Variants in FAM184B observed in about 807,000 individuals in gnomAD.
FAM184B encodes protein FAM184B.
FAM184B carries 111 observed loss-of-function variants against 135.9 expected under a neutral mutation model. That is an observed-to-expected ratio of 0.82 (90% CI 0.70 to 0.96). The LOEUF is 0.96. Ranked by LOEUF, FAM184B falls within the 40% of genes least tolerant of loss-of-function variation. FAM184B has a pLI of 0.00. For synonymous variants in FAM184B, 552 were observed against 524.8 expected, an observed-to-expected ratio of 1.05 and a Z score of -0.71; for missense variants, 1,375 against 1,323.9, an observed-to-expected ratio of 1.04 and a Z score of -0.60.
chr4:17,666,334 C>T (rs1176581645), intron 7 of FAM184B, among the ~76,000 whole-genome samples: 1 of 146,482 alleles, frequency 6.8e-6, no homozygotes, highest in Non-Finnish European at 1.5e-5. Context: ...GATGGAGTCT[C>T]ACTCTGTCAC....
chr4:17,715,498 CA>C (rs1030460836), intron 1 of FAM184B, among the ~76,000 whole-genome samples: 25 of 151,052 alleles, frequency 1.7e-4, no homozygotes, highest in African/African-American at 3.6e-4. Context: ...CAAAAACAAA[CA>C]AAAAAAATGA....
intron 12 of FAM184B, among the ~76,000 whole-genome samples, chr4:17,646,022 C>G (rs2108933305): frequency 6.6e-6 from 1 of 152,196 alleles, no homozygotes; most frequent in East Asian, 1.9e-4. Flanking sequence ...ATCAAAACCA[C>G]AATGAGATAC....
At chr4:17,761,731 G>T (rs1184232230) in intron 1 of FAM184B, among the ~76,000 whole-genome samples, 1 of 152,172 alleles carries the variant, frequency 6.6e-6, no homozygotes, top group Non-Finnish European at 1.5e-5. Flanking sequence ...ATGTTGATCA[G>T]GCTGGTCTCG....
intron 12 of FAM184B, among the ~76,000 whole-genome samples, chr4:17,643,736 A>C (rs1029236770): frequency 6.6e-6 from 1 of 152,216 alleles, no homozygotes; most frequent in Non-Finnish European, 1.5e-5. Context: ...TCTGGCACAC[A>C]TGATTCCCAT....
intron 3 of FAM184B, among the ~76,000 whole-genome samples, chr4:17,706,949 C>T (rs1015551004): frequency 6.6e-6 from 1 of 151,988 alleles, no homozygotes; most frequent in African/African-American, 2.4e-5. Context: ...CTGTGCTTGG[C>T]TAATTTTCTT....
chr4:17,635,029 A>AT lies in FAM184B; in HGVS notation c.2868dup (p.Tyr957IlefsTer41). The AT allele has an allele frequency of 6.4e-7, 1 of 1,551,834 alleles. No individual in the cohort carries two copies. Among genetic ancestry groups the AT allele is most frequent in the Non-Finnish European group, 8.7e-7 (1 of 1,146,908 alleles). On this transcript the variant is annotated frameshift_variant, in exon 16 of 18. Coordinates refer to ENST00000265018, the MANE Select transcript of FAM184B (RefSeq NM_015688.2). LOFTEE classifies it high-confidence loss of function. ...TTTACCTTCATGGAAGGGGTCAAAT[A>AT]TCCCGGGTGAGGATTGAAAGAGAAA...
At chr4:17,713,654 G>A (rs1717338284) in intron 1 of FAM184B, among the ~76,000 whole-genome samples, 1 of 152,212 alleles carries the variant, frequency 6.6e-6, no homozygotes, top group South Asian at 2.1e-4. Flanking sequence ...GTTCAGAGAA[G>A]TTCAGTAGCT....
intron 1 of FAM184B, among the ~76,000 whole-genome samples, chr4:17,752,548 G>A (rs1379060715): frequency 3.9e-5 from 6 of 152,130 alleles, no homozygotes; most frequent in Admixed American, 2.0e-4. Flanking sequence ...AGGAACCTCC[G>A]GAGATCTCAG....
chr4:17,665,798 G>A (rs78715091), intron 7 of FAM184B, among the ~76,000 whole-genome samples: 5,816 of 152,196 alleles, frequency 0.038, 253 homozygotes, highest in East Asian at 0.092. Flanking sequence ...TCCAATGGTC[G>A]ATTCTTGGGT....
chr4:17,687,390 G>C (rs1008586406), intron 7 of FAM184B, among the ~76,000 whole-genome samples: 6 of 152,162 alleles, frequency 3.9e-5, no homozygotes, highest in Non-Finnish European at 8.8e-5. Context: ...ATTCAAGCCA[G>C]GGTACTCAAG....
intron 1 of FAM184B, among the ~76,000 whole-genome samples, chr4:17,729,663 G>A (rs1365046898): frequency 2.0e-5 from 3 of 152,258 alleles, no homozygotes; most frequent in African/African-American, 7.2e-5. Context: ...AGGGTCTGGA[G>A]TGGACCTCTA....
intron 6 of FAM184B, among the ~76,000 whole-genome samples, chr4:17,688,845 C>T (rs1374128939): frequency 1.3e-5 from 2 of 152,004 alleles, no homozygotes; most frequent in African/African-American, 4.8e-5. Context: ...GTATGCACCA[C>T]CACGCCCAGC....
chr4:17,722,634 T>A (rs1182378179), intron 1 of FAM184B, among the ~76,000 whole-genome samples: 1 of 152,034 alleles, frequency 6.6e-6, no homozygotes, highest in South Asian at 2.1e-4. Context: ...CCCAGGAAGG[T>A]TCTTAATGAG....
At chr4:17,645,494 T>C (rs1715441660) in intron 12 of FAM184B, among the ~76,000 whole-genome samples, 1 of 152,192 alleles carries the variant, frequency 6.6e-6, no homozygotes, top group African/African-American at 2.4e-5. Context: ...CCCTATTTAA[T>C]AAATGGTGCT....
Position 17,727,976 on chromosome 4 carries a change from T to TA in FAM184B, c.142-18333dup, listed in dbSNP as rs1002998028. On this transcript the variant is annotated intron_variant, in intron 1 of 17. Transcript: ENST00000265018. ...AGCAGTTGGCCATTGAGTTCTTATT[T>TA]AAAAAAAAAATTACAATGAGTCCAG... Among the ~76,000 whole-genome samples the TA allele has an allele frequency of 1.3e-3, 196 of 150,356 alleles. 1 individual carries two copies. The highest frequency in any genetic ancestry group is 4.2e-3 in the African/African-American group (173 of 40,990).
chr4:17,638,348 C>T (rs2108928365), intron 14 of FAM184B, among the ~76,000 whole-genome samples: 1 of 144,878 alleles, frequency 6.9e-6, no homozygotes, highest in South Asian at 2.1e-4. Flanking sequence ...ACCACCATGC[C>T]CAGCAATTTT....
At chr4:17,772,687 G>T (rs1374237591) in intron 1 of FAM184B, among the ~76,000 whole-genome samples, 1 of 152,138 alleles carries the variant, frequency 6.6e-6, no homozygotes, top group African/African-American at 2.4e-5. Flanking sequence ...CAAGACCAAG[G>T]TGTGAGTCTG....
chr4:17,649,868 T>TCCATC (rs1553829353), intron 11 of FAM184B, among the ~76,000 whole-genome samples: 1 of 134,294 alleles, frequency 7.4e-6, no homozygotes, highest in East Asian at 2.0e-4. Context: ...ATCCACCCAC[T>TCCATC]CATCCATCCA....
At chr4:17,739,849 C>T (rs1193421193) in intron 1 of FAM184B, among the ~76,000 whole-genome samples, 2 of 151,970 alleles carry the variant, frequency 1.3e-5, no homozygotes, top group Admixed American at 1.3e-4. Flanking sequence ...AGCCACTGCA[C>T]CCACCCTGTC....
Sources: gnomAD v4.1 joint callset for allele counts (sites outside exome capture counted in the v4.1 genomes callset) on GRCh38, gnomAD v4.1.1 for gene constraint, MANE v1.5 for transcripts, NCBI Gene and HGNC (gene_info 2026-07-23, HGNC 2026-07-21) for gene names.